Variants in CCND2 observed in about 807,000 individuals in gnomAD.
The protein encoded by CCND2 is cyclin D2, also known as G1/S-specific cyclin-D2.
CCND2 carries 6 observed loss-of-function variants against 30.2 expected under a neutral mutation model. That is an observed-to-expected ratio of 0.20 (90% CI 0.11 to 0.39). CCND2 has a LOEUF of 0.39. CCND2 is among the 10% of genes least tolerant of loss of function. The pLI is 1.00. For missense variants in CCND2, 235 were observed against 373.4 expected, an observed-to-expected ratio of 0.63 and a Z score of 3.06; for synonymous variants, 150 against 153.1, an observed-to-expected ratio of 0.98 and a Z score of 0.15.
At chr12:4,290,592 C>T (rs993948336) in intron 4 of CCND2, among the ~76,000 whole-genome samples, 7 of 148,718 alleles carry the variant, frequency 4.7e-5, no homozygotes, top group Non-Finnish European at 7.4e-5. Flanking sequence ...CCCCCCTCCT[C>T]CTGCCCCCAG....
At chr12:4,295,735 C>T (rs1024051870) in intron 4 of CCND2, among the ~76,000 whole-genome samples, 1 of 152,202 alleles carries the variant, frequency 6.6e-6, no homozygotes, top group Non-Finnish European at 1.5e-5. Flanking sequence ...CGAGATCGCA[C>T]CATTGCACTC....
chr12:4,297,570 C>CAAAAAAA (rs71061177), intron 4 of CCND2, among the ~76,000 whole-genome samples: 2 of 74,786 alleles, frequency 2.7e-5, no homozygotes, highest in Non-Finnish European at 4.7e-5. Context: ...CACTCTGTCT[C>CAAAAAAA]AAAAAAAAAA....
chr12:4,297,114 G>A (rs768731365), intron 4 of CCND2, among the ~76,000 whole-genome samples: 3 of 152,178 alleles, frequency 2.0e-5, no homozygotes, highest in Non-Finnish European at 2.9e-5. Context: ...ATTCCTCTCT[G>A]ATGTAGAACC....
chr12:4,278,705 C>G, intron 2 of CCND2, 55 bp from the exon 3 acceptor site: 1 of 1,587,036 alleles, frequency 6.3e-7, no homozygotes, highest in Admixed American at 1.7e-5. Context: ...CCCCCTACAC[C>G]AGGTCAGCCT....
chr12:4,290,498 A>G (rs1260382508), intron 4 of CCND2, among the ~76,000 whole-genome samples: 1 of 152,174 alleles, frequency 6.6e-6, no homozygotes, highest in Non-Finnish European at 1.5e-5. Flanking sequence ...CTGCCTTACA[A>G]ATAGGACTCT....
Position 4,274,369 on chromosome 12 carries a change from C to T in CCND2, c.195+134C>T. The T allele has an allele frequency of 1.1e-6, 1 of 907,982 alleles. No individual in the cohort carries two copies. Among genetic ancestry groups the T allele is most frequent in the Non-Finnish European group, 1.7e-6 (1 of 585,970 alleles). The allele number at this position is 907,982 out of a possible 1,614,324, so 56.2% of individuals were successfully genotyped here. On this transcript the variant is annotated intron_variant, in intron 1 of 4. Transcript: ENST00000261254. This position sits in a 1 kb window ranked among gnomAD's most constrained non-coding sequence, Gnocchi z 7.7. ...CTCCTGTGCGGGAGTTTACCGCGCG[C>T]CTTCTGGCGAGACGCGTGGCTTTAT...
At position 4,300,721 on chromosome 12, in the gene CCND2, C is replaced by G. The variant is rs900854258; in HGVS notation, c.*712C>G. 4.3e-6 allele frequency: 1 copy of G among 233,596 alleles called. No homozygotes were observed. The highest frequency in any genetic ancestry group is 2.2e-5 in the African/African-American group (1 of 45,352). 14.5% of individuals were successfully genotyped at this position (233,596 alleles called of 1,614,324 possible). A position where few individuals can be genotyped will look rare whatever the true frequency, so the allele number is the denominator to read the frequency against. ...GTTCTGTGACATCCTGCTTCTTCTT[C>G]CAAATGCAGTTCATTGCAGACACCA... On this transcript the variant is annotated 3_prime_UTR_variant, in exon 5 of 5. Transcript: ENST00000261254.
Position 4,274,684 on chromosome 12 carries a change from C to T in CCND2, c.195+449C>T, listed in dbSNP as rs1380615226. Among the ~76,000 whole-genome samples, 1 of 152,138 alleles carries T rather than the reference C, an allele frequency of 6.6e-6. No homozygotes were observed. The highest frequency in any genetic ancestry group is 1.5e-5 in the Non-Finnish European group (1 of 68,020). ...GGCCTCAGGTCCCCGCCTGTGGTCGCGACTCCGCGCTGGCACTTCACCGGG... is the reference window on the plus strand; with the variant it reads ...GGCCTCAGGTCCCCGCCTGTGGTCGTGACTCCGCGCTGGCACTTCACCGGG... On this transcript the variant is annotated intron_variant, in intron 1 of 4. Transcript: ENST00000261254. The surrounding 1 kb of genome is among the most constrained non-coding windows in gnomAD (Gnocchi z 7.7).
In CCND2 at chr12:4,285,136, G is replaced by T. The variant is rs747380761; in HGVS notation, c.572-3706G>T. On this transcript the variant is annotated intron_variant, in intron 3 of 4. Coordinates refer to ENST00000261254, the MANE Select transcript of CCND2 (RefSeq NM_001759.4). The surrounding 1 kb of genome is among the most constrained non-coding windows in gnomAD (Gnocchi z 4.1). ...ACCATCCTCTACTATCTAATGCATT[G>T]ATGCCCAGCCTTAAGAAGTCTGAAT... The T allele has an allele frequency of 4.2e-5, 8 of 190,074 alleles. No homozygotes were observed. Among genetic ancestry groups the T allele is most frequent in the Admixed American group, 2.0e-4 (3 of 15,304 alleles). The allele number at this position is 190,074 out of a possible 1,614,324, so 11.8% of individuals were successfully genotyped here. A position where few individuals can be genotyped will look rare whatever the true frequency, so the allele number is the denominator to read the frequency against.
At chr12:4,288,027 T>A (rs1160644788) in intron 3 of CCND2, among the ~76,000 whole-genome samples, 1 of 152,200 alleles carries the variant, frequency 6.6e-6, no homozygotes, top group African/African-American at 2.4e-5. Context: ...TCATGAGTCA[T>A]AACATCGAAA....
In CCND2 at chr12:4,300,302, A is replaced by G. The variant is rs1864232006; in HGVS notation, c.*293A>G. ...GTAAAATGCTTACAGGAAAACCTGC[A>G]GAGTAGTTAGAGAATATGTATGCCT... On this transcript the variant is annotated 3_prime_UTR_variant, in exon 5 of 5. Transcript: ENST00000261254. The G allele has an allele frequency of 3.0e-6, 1 of 332,520 alleles. No homozygotes were observed. The highest frequency in any genetic ancestry group is 7.5e-5 in the South Asian group (1 of 13,414). The allele number at this position is 332,520 out of a possible 1,614,324, so 20.6% of individuals were successfully genotyped here. A position where few individuals can be genotyped will look rare whatever the true frequency, so the allele number is the denominator to read the frequency against.
In CCND2 at chr12:4,274,083, G is replaced by A. The variant is rs1374736402; in HGVS notation, c.43G>A (p.Val15Met). 1.2e-6 allele frequency: 2 copies of A among 1,613,364 alleles called. No homozygotes were observed. Residue 15 changes from valine to methionine, a missense_variant, in exon 1 of 5, where the codon GTG becomes ATG. By Grantham distance (21) the Val-to-Met change is conservative. Transcript: ENST00000261254. This position sits in a 1 kb window ranked among gnomAD's most constrained non-coding sequence, Gnocchi z 7.7. Reference protein sequence around the residue: ...CHEVDPVRRAVRDRNLLRDDR... With the variant: ...CHEVDPVRRAMRDRNLLRDDR... ...CGAGGTGGACCCGGTCCGCAGGGCC[G>A]TGCGGGACCGCAACCTGCTCCGAGA... is the stretch of plus-strand genomic sequence containing the variant.
At chr12:4,275,784 G>A (rs1434155581) in intron 1 of CCND2, among the ~76,000 whole-genome samples, 1 of 151,788 alleles carries the variant, frequency 6.6e-6, no homozygotes, top group Non-Finnish European at 1.5e-5. Flanking sequence ...CCTTTTATAG[G>A]ATCCCTGGGA....
rs536056609 is a variant in CCND2, at chr12:4,274,526, C to A, written c.195+291C>A. Reference sequence around the variant, plus strand: ...TGCATGTGGCTGCCTCTTCTTCCCACCCCCCTCGCGACCTGTCTTTTGCGA... The same window carrying A: ...TGCATGTGGCTGCCTCTTCTTCCCAACCCCCTCGCGACCTGTCTTTTGCGA... On this transcript the variant is annotated intron_variant, in intron 1 of 4. Transcript: ENST00000261254. This position sits in a 1 kb window ranked among gnomAD's most constrained non-coding sequence, Gnocchi z 7.7. Among the ~76,000 whole-genome samples, 36 of 152,310 alleles carry A rather than the reference C, an allele frequency of 2.4e-4. No homozygotes were observed. The highest frequency in any genetic ancestry group is 7.7e-4 in the African/African-American group (32 of 41,570).
intron 3 of CCND2, among the ~76,000 whole-genome samples, chr12:4,288,384 G>A (rs1864052240): frequency 6.6e-6 from 1 of 151,934 alleles, no homozygotes; most frequent in Non-Finnish European, 1.5e-5. Context: ...CACATCTGGA[G>A]CCCCTGGTCT....
intron 3 of CCND2, among the ~76,000 whole-genome samples, chr12:4,279,635 C>T (rs187728335): frequency 9.2e-4 from 133 of 144,216 alleles, no homozygotes; most frequent in Non-Finnish European, 2.2e-4. Context: ...CCTACTGGCC[C>T]ATTTGTTTTG....
Position 4,301,910 on chromosome 12 carries a change from A to G in CCND2, c.*1901A>G, listed in dbSNP as rs868307883. 10 of 223,708 alleles carry G rather than the reference A, an allele frequency of 4.5e-5. No individual in the cohort carries two copies. Among genetic ancestry groups the G allele is most frequent in the Non-Finnish European group, 7.8e-5 (9 of 115,224 alleles). 13.9% of individuals were successfully genotyped at this position (223,708 alleles called of 1,614,324 possible). A position where few individuals can be genotyped will look rare whatever the true frequency, so the allele number is the denominator to read the frequency against. On this transcript the variant is annotated 3_prime_UTR_variant, in exon 5 of 5. Coordinates refer to ENST00000261254, the MANE Select transcript of CCND2 (RefSeq NM_001759.4). ...TTTGTTTTCTTCTGGTAGCATATTC[A>G]TGGTTGTTTTTTTTTTTCTTTTTTG...
At chr12:4,289,645 G>T (rs1864070596) in intron 4 of CCND2, among the ~76,000 whole-genome samples, 1 of 152,256 alleles carries the variant, frequency 6.6e-6, no homozygotes, top group Non-Finnish European at 1.5e-5. Context: ...CCTGTTGCCA[G>T]AATTTGGAGC....
In CCND2 at chr12:4,300,158, A is replaced by G; in HGVS notation, c.*149A>G. ...CATATTTAAAGATCTTTTAGAAGTGAGAGAAAAAGGTCCTACGAAAACGGA... is the reference window on the plus strand; with the variant it reads ...CATATTTAAAGATCTTTTAGAAGTGGGAGAAAAAGGTCCTACGAAAACGGA... On this transcript the variant is annotated 3_prime_UTR_variant, in exon 5 of 5. Transcript: ENST00000261254. 1.3e-6 allele frequency: 1 copy of G among 778,142 alleles called. No homozygotes were observed. The highest frequency in any genetic ancestry group is 2.0e-6 in the Non-Finnish European group (1 of 512,502). The allele number at this position is 778,142 out of a possible 1,614,324, so 48.2% of individuals were successfully genotyped here.
Sources: gnomAD v4.1 joint callset for allele counts (sites outside exome capture counted in the v4.1 genomes callset) on GRCh38, gnomAD v4.1.1 for gene constraint, Gnocchi (gnomAD v3.1) non-coding constraint, MANE v1.5 for transcripts, NCBI Gene and HGNC (gene_info 2026-07-23, HGNC 2026-07-21) for gene names.